Variants in TTC28 observed in about 807,000 individuals in gnomAD.
The protein encoded by TTC28 is tetratricopeptide repeat domain 28.
A neutral mutation model predicts 198.0 loss-of-function variants in TTC28; 61 were observed. The ratio of observed to expected loss-of-function variants is 0.31; its 90% CI spans 0.25 to 0.38. The LOEUF is 0.38. Among genes scored for constraint, TTC28 ranks in the 10% least tolerant of loss-of-function variants. TTC28 has a pLI of 1.00. For missense variants in TTC28, 2,678 were observed against 3,164.0 expected (o/e 0.85, Z 3.69); for synonymous variants, 1,171 against 1,297.8 (o/e 0.90, Z 2.10).
intron 5 of TTC28, among the ~76,000 whole-genome samples, chr22:28,230,285 C>T (rs565671692): frequency 4.9e-4 from 75 of 152,208 alleles, no homozygotes; most frequent in Non-Finnish European, 1.0e-3. Flanking sequence ...AAAGGCCCCT[C>T]CCAGCCAAAC....
intron 6 of TTC28, among the ~76,000 whole-genome samples, chr22:28,109,058 C>T (rs1569144409): frequency 6.6e-6 from 1 of 152,202 alleles, no homozygotes; most frequent in South Asian, 2.1e-4. Context: ...CCACAAACGG[C>T]GCTCCTACTC....
intron 13 of TTC28, among the ~76,000 whole-genome samples, chr22:28,015,296 CCTGTGGCCTGGCCA>C (rs1467176159): frequency 2.0e-5 from 3 of 152,078 alleles, no homozygotes; most frequent in Admixed American, 2.0e-4. Flanking sequence ...CAGCACCTGC[CCTGTGGCCTGGCCA>C]CTGTGGCCGC....
At chr22:28,424,384 C>G (rs1213909361) in intron 2 of TTC28, among the ~76,000 whole-genome samples, 2 of 152,182 alleles carry the variant, frequency 1.3e-5, no homozygotes, top group African/African-American at 4.8e-5. Flanking sequence ...TTCTCTACTT[C>G]CTTCAGGTTC....
rs927807422 is a variant in TTC28, at chr22:28,001,508, T to C, written c.4264A>G (p.Ile1422Val). Residue 1422 changes from isoleucine (I) to valine (V), a missense_variant, in exon 15 of 23, where the codon ATC becomes GTC. Coordinates refer to ENST00000397906, the MANE Select transcript of TTC28 (RefSeq NM_001145418.2). The part of the protein sequence containing the change: ...SGPVGRHRQL[I>V]LVLEGELYLI... The stretch of plus-strand genomic sequence containing the variant: ...TAGAGCTCCCCCTCCAGAACCAGGA[T>C]GAGCTGCCGGTGCCGGCCCACGGGG... 2.6e-6 allele frequency: 4 copies of C among 1,551,228 alleles called. No individual in the cohort carries two copies. The African/African-American group carries it at 5.5e-5, about 21-fold the overall frequency.
intron 2 of TTC28, among the ~76,000 whole-genome samples, chr22:28,506,498 C>A (rs190976104): frequency 6.6e-6 from 1 of 152,096 alleles, no homozygotes; most frequent in Non-Finnish European, 1.5e-5. Context: ...CTTTGGAGAA[C>A]ACGAACATTC....
chr22:28,316,441 T>C (rs957784580), intron 2 of TTC28, among the ~76,000 whole-genome samples: 4 of 152,174 alleles, frequency 2.6e-5, no homozygotes, highest in African/African-American at 9.6e-5. Flanking sequence ...TGCTTTTCCA[T>C]ATAAATCTTT....
rs776467051 is a variant in TTC28 at position 28,054,265 on chromosome 22, G to A, written c.3933-23899C>T. Among the ~76,000 whole-genome samples, 59 of 152,190 alleles carry A rather than the reference G, an allele frequency of 3.9e-4. 1 individual carries two copies. The highest frequency in any genetic ancestry group is 2.6e-4 in the Admixed American group (4 of 15,272). ...CATGCAGCAGATTGCTTGACGAAAT[G>A]AGGCTGCCTAATGAGTAGCTTGGAT... On this transcript the variant is annotated intron_variant, in intron 12 of 22. Transcript: ENST00000397906.
chr22:28,187,597 C>T (rs1352580893), intron 5 of TTC28, among the ~76,000 whole-genome samples: 1 of 152,174 alleles, frequency 6.6e-6, no homozygotes, highest in Middle Eastern at 3.2e-3. Context: ...CCCCAGGATG[C>T]TTCTTCCAAT....
At chr22:28,576,354 T>G (rs1341166186) in intron 2 of TTC28, among the ~76,000 whole-genome samples, 1 of 152,140 alleles carries the variant, frequency 6.6e-6, no homozygotes, top group Non-Finnish European at 1.5e-5. Flanking sequence ...CATAATGATC[T>G]TTTTAATGTG....
intron 2 of TTC28, among the ~76,000 whole-genome samples, chr22:28,466,541 G>A (rs2048022743): frequency 6.6e-6 from 1 of 152,168 alleles, no homozygotes; most frequent in Non-Finnish European, 1.5e-5. Flanking sequence ...AATGCGAAAT[G>A]TGACTTGGCA....
chr22:28,183,171 C>A (rs186433583), intron 5 of TTC28, among the ~76,000 whole-genome samples: 3 of 151,974 alleles, frequency 2.0e-5, no homozygotes, highest in South Asian at 2.1e-4. Context: ...TGGTTCCCCC[C>A]ACCTCAGCCT....
rs537891160 is a variant in TTC28 at position 28,533,743 on chromosome 22, T to A, written c.381+95809A>T. ...ATCAATGGAACAAAACAGAGCCCTC[T>A]GAAATAATACCACACATCTACAACC... On this transcript the variant is annotated intron_variant, in intron 2 of 22. Transcript: ENST00000397906. 6.6e-5 allele frequency among the ~76,000 whole-genome samples: 10 copies of A among 152,178 alleles called. No individual in the cohort carries two copies. In the South Asian group the frequency reaches 1.7e-3, roughly 25 times the overall value.
intron 6 of TTC28, among the ~76,000 whole-genome samples, chr22:28,138,435 G>T (rs1943252622): frequency 6.6e-6 from 1 of 152,042 alleles, no homozygotes; most frequent in African/African-American, 2.4e-5. Context: ...TTTGCACAAG[G>T]GAAGCTTTAA....
intron 22 of TTC28, among the ~76,000 whole-genome samples, 191 bp downstream of exon 22, chr22:27,985,058 T>C (rs529414564): frequency 2.6e-5 from 4 of 152,218 alleles, no homozygotes; most frequent in Admixed American, 6.5e-5. Flanking sequence ...ACCTCATACA[T>C]TGCAAGTTCC....
intron 5 of TTC28, among the ~76,000 whole-genome samples, chr22:28,213,990 T>C (rs1927157543): frequency 1.3e-5 from 2 of 152,110 alleles, no homozygotes; most frequent in Admixed American, 1.3e-4. Flanking sequence ...TCTACAACCA[T>C]CTGATCTTTG....
chr22:28,176,987 A>C (rs1480867184), intron 5 of TTC28, among the ~76,000 whole-genome samples: 1 of 152,240 alleles, frequency 6.6e-6, no homozygotes, highest in East Asian at 1.9e-4. Context: ...CTTTATATAT[A>C]AGACCAAAAA....
At chr22:28,675,521 G>A (rs555588725) in intron 1 of TTC28, among the ~76,000 whole-genome samples, 1 of 152,040 alleles carries the variant, frequency 6.6e-6, no homozygotes, top group Non-Finnish European at 1.5e-5. Context: ...GGAGGCAGAG[G>A]CTGGTGGACC....
intron 2 of TTC28, among the ~76,000 whole-genome samples, chr22:28,614,447 T>C (rs764001673): frequency 6.6e-6 from 1 of 152,182 alleles, no homozygotes; most frequent in Non-Finnish European, 1.5e-5. Context: ...AAAACTACTT[T>C]AAATTTCATA....
intron 13 of TTC28, among the ~76,000 whole-genome samples, chr22:28,018,757 G>T (rs1012040518): frequency 2.0e-5 from 3 of 152,144 alleles, no homozygotes; most frequent in Non-Finnish European, 4.4e-5. Flanking sequence ...GCTACTGAGG[G>T]TCCCTTGAAC....
Sources: allele counts gnomAD v4.1 joint callset (sites outside exome capture counted in the v4.1 genomes callset), GRCh38; gene constraint gnomAD v4.1.1; transcripts MANE v1.5; gene names NCBI Gene and HGNC (gene_info 2026-07-23, HGNC 2026-07-21).